Variants in GNPTAB observed in about 807,000 individuals in gnomAD.
GNPTAB encodes the protein N-acetylglucosamine-1-phosphate transferase subunits alpha and beta, also known as N-acetylglucosamine-1-phosphotransferase subunits alpha/beta.
GNPTAB carries 92 observed loss-of-function variants against 136.6 expected under a neutral mutation model. That is an observed-to-expected ratio of 0.67 (90% CI 0.57 to 0.80). GNPTAB has a LOEUF of 0.80. Ranked by LOEUF, GNPTAB falls within the 30% of genes least tolerant of loss-of-function variation. GNPTAB has a pLI of 0.00. For missense variants in GNPTAB, 1,343 were observed against 1,501.8 expected (o/e 0.89, Z 1.75); for synonymous variants, 512 against 535.1 (o/e 0.96, Z 0.60).
Position 101,764,936 on chromosome 12 carries a change from C to G in GNPTAB, c.1981G>C (p.Glu661Gln), listed in dbSNP as rs1472025466. Residue 661 changes from glutamate to glutamine, a missense_variant, in exon 13 of 21, where the codon GAG (glutamate) becomes CAG (glutamine). By Grantham distance (29) the Glu-to-Gln change is conservative. Transcript: ENST00000299314. Reference sequence around the variant, plus strand: ...ATATCCTCAAAAAGGATTTCCGCCTCTGGAAGAAGTGTTATGGGACTAACT... The same window carrying G: ...ATATCCTCAAAAAGGATTTCCGCCTGTGGAAGAAGTGTTATGGGACTAACT... ...NLVSPITLLP[E>Q]AEILFEDIPK... The G allele has an allele frequency of 1.2e-6, 2 of 1,613,942 alleles. No individual in the cohort carries two copies. The highest frequency in any genetic ancestry group is 2.2e-5 in the South Asian group (2 of 91,078).
At chr12:101,790,103 T>C (rs763889988) in intron 2 of GNPTAB, 46 bp from the exon 3 acceptor site, 1 of 1,613,312 alleles carries the variant, frequency 6.2e-7, no homozygotes, top group South Asian at 1.1e-5. Context: ...ATTTTTCCAA[T>C]ATATTTGGTA....
chr12:101,765,925 C>T, intron 12 of GNPTAB, 166 bp downstream of exon 12: 1 of 668,714 alleles, frequency 1.5e-6, no homozygotes, highest in Non-Finnish European at 2.7e-6. Flanking sequence ...AGATCCTCTT[C>T]AGTGATTTAT....
chr12:101,794,186 C>T (rs1040301663), intron 2 of GNPTAB, among the ~76,000 whole-genome samples: 3 of 152,158 alleles, frequency 2.0e-5, no homozygotes, highest in Non-Finnish European at 4.4e-5. Context: ...AGATTGTAGT[C>T]TTAATCTAAT....
chr12:101,760,118 A>T lies in GNPTAB; in HGVS notation c.3161T>A (p.Leu1054Gln). 6.2e-7 allele frequency: 1 copy of T among 1,610,420 alleles called. No homozygotes were observed. The highest frequency in any genetic ancestry group is 8.5e-7 in the Non-Finnish European group (1 of 1,176,684). The part of the protein sequence containing the change: ...LQDLTGLEHM[L>Q]INCSKMLPAD... ...AGGAAGCATTTTTGAGCAATTTATT[A>T]GCATGTGTTCCAGACCTGTCAAATC... Residue 1054 changes from leucine (L) to glutamine (Q), a missense_variant, in exon 16 of 21, where the codon CTA (leucine) becomes CAA (glutamine). Coordinates refer to ENST00000299314, the MANE Select transcript of GNPTAB (RefSeq NM_024312.5).
chr12:101,827,172 C>T (rs1566104397), intron 1 of GNPTAB, among the ~76,000 whole-genome samples: 1 of 151,956 alleles, frequency 6.6e-6, no homozygotes, highest in Admixed American at 6.6e-5. Context: ...CTCTGTCACC[C>T]AGGCTTAAGT....
chr12:101,761,880 A>G, intron 13 of GNPTAB, 117 bp from the exon 14 acceptor site: 1 of 786,202 alleles, frequency 1.3e-6, no homozygotes, highest in Non-Finnish European at 2.2e-6. Context: ...ATTAGGAGCA[A>G]ATGAAATACA....
chr12:101,794,968 C>T (rs975630462), intron 2 of GNPTAB, among the ~76,000 whole-genome samples: 1 of 152,064 alleles, frequency 6.6e-6, no homozygotes, highest in African/African-American at 2.4e-5. Context: ...GAAGCTTCTT[C>T]GGGGCAGGGA....
chr12:101,759,285 C>T (rs757592403), intron 16 of GNPTAB, among the ~76,000 whole-genome samples: 46 of 151,272 alleles, frequency 3.0e-4, no homozygotes, highest in Non-Finnish European at 6.0e-4. Context: ...ATGGCGTGAA[C>T]CCGGAAGGCG....
In GNPTAB at chr12:101,755,462, A is replaced by T. The variant is rs376482098; in HGVS notation, c.3434+1750T>A. 5.9e-5 allele frequency among the ~76,000 whole-genome samples: 9 copies of T among 152,350 alleles called. No homozygotes were observed. The East Asian group carries it at 1.7e-3, about 29-fold the overall frequency. On this transcript the variant is annotated intron_variant, in intron 18 of 20. Coordinates refer to ENST00000299314, the MANE Select transcript of GNPTAB (RefSeq NM_024312.5). Reference sequence around the variant, plus strand: ...GGATTAAAAACAAACAGAGGCAGAGAACAGCTATGAAGGGCATTTGGAGGC... The same window carrying T: ...GGATTAAAAACAAACAGAGGCAGAGTACAGCTATGAAGGGCATTTGGAGGC...
In GNPTAB at chr12:101,768,279, G is replaced by C. The variant is rs1953123734; in HGVS notation, c.1285-119C>G. The C allele has an allele frequency of 2.6e-6, 3 of 1,141,762 alleles. No homozygotes were observed. The Admixed American group carries it at 6.3e-5, about 24-fold the overall frequency. The allele number at this position is 1,141,762 out of a possible 1,614,324, so 70.7% of individuals were successfully genotyped here. A position where few individuals can be genotyped will look rare whatever the true frequency, so the allele number is the denominator to read the frequency against. On this transcript the variant is annotated intron_variant, in intron 10 of 20. Transcript: ENST00000299314. The stretch of plus-strand genomic sequence containing the variant: ...CTCTAGAAAGATTAAAATTTTCAAA[G>C]GGCTCAGCGTTCACACTCACAAGTG...
rs1187820226 is a variant in GNPTAB at position 101,766,143 on chromosome 12, G to A, written c.1560C>T (p.Asp520=). 9.3e-6 allele frequency: 15 copies of A among 1,614,104 alleles called. No individual in the cohort carries two copies. Among genetic ancestry groups the A allele is most frequent in the Non-Finnish European group, 1.3e-5 (15 of 1,180,004 alleles). ...CACAGGACAAGACATTGCATGCTTG[G>A]TCACAGAACTTATCAGCGAGCCAGG... is the stretch of plus-strand genomic sequence containing the variant. The part of the protein sequence containing the change: ...ANSWLADKFC[D]QACNVLSCGF... Residue 520 remains aspartate, a synonymous_variant, in exon 12 of 21, where the codon GAC becomes GAT. Coordinates refer to ENST00000299314, the MANE Select transcript of GNPTAB (RefSeq NM_024312.5).
chr12:101,776,871 C>G (rs556322437), intron 7 of GNPTAB, among the ~76,000 whole-genome samples: 11 of 152,378 alleles, frequency 7.2e-5, no homozygotes, highest in African/African-American at 2.6e-4. Flanking sequence ...TCCAGGGCCA[C>G]AGGCCATGGC....
chr12:101,787,646 G>A (rs1427692989), intron 4 of GNPTAB, among the ~76,000 whole-genome samples: 1 of 152,108 alleles, frequency 6.6e-6, no homozygotes, highest in African/African-American at 2.4e-5. Context: ...CGGATGCGGT[G>A]ACTCACGCCT....
chr12:101,805,924 CA>C (rs1195306668), intron 1 of GNPTAB, among the ~76,000 whole-genome samples: 1 of 152,086 alleles, frequency 6.6e-6, no homozygotes, highest in Non-Finnish European at 1.5e-5. Flanking sequence ...ATGTTTAGAT[CA>C]TTAAACATGA....
chr12:101,816,675 C>A (rs185400653), intron 1 of GNPTAB, among the ~76,000 whole-genome samples: 91 of 152,314 alleles, frequency 6.0e-4, no homozygotes, highest in Non-Finnish European at 1.3e-4. Flanking sequence ...ACTATATGAT[C>A]TAGCAATCCC....
At chr12:101,768,259 G>C in intron 10 of GNPTAB, 99 bp from the exon 11 acceptor site, 2 of 1,383,132 alleles carry the variant, frequency 1.4e-6, no homozygotes, top group South Asian at 2.5e-5. Context: ...TAAGTCTCTA[G>C]AAAGATTAAA....
At chr12:101,797,097 T>C (rs935716780) in intron 1 of GNPTAB, among the ~76,000 whole-genome samples, 1 of 152,156 alleles carries the variant, frequency 6.6e-6, no homozygotes, top group African/African-American at 2.4e-5. Flanking sequence ...TGGAAGAGCA[T>C]GCTTGTAGGC....
At chr12:101,771,758 T>G (rs1259659272) in intron 7 of GNPTAB, among the ~76,000 whole-genome samples, 1 of 152,198 alleles carries the variant, frequency 6.6e-6, no homozygotes, top group African/African-American at 2.4e-5. Context: ...GAGGCAAGAA[T>G]CCCCAACTGT....
intron 10 of GNPTAB, among the ~76,000 whole-genome samples, chr12:101,768,913 C>G (rs1953132229): frequency 6.6e-6 from 1 of 152,162 alleles, no homozygotes. Context: ...CAAGGCACAC[C>G]TGTCAGCAGG....
Sources: gnomAD v4.1 joint callset for allele counts (sites outside exome capture counted in the v4.1 genomes callset) on GRCh38, gnomAD v4.1.1 for gene constraint, MANE v1.5 for transcripts, NCBI Gene and HGNC (gene_info 2026-07-23, HGNC 2026-07-21) for gene names.